RNF180: variants seen among roughly 807,000 people sequenced by gnomAD.
RNF180 encodes the protein E3 ubiquitin-protein ligase RNF180.
RNF180 carries 38 observed loss-of-function variants against 59.2 expected under a neutral mutation model. The observed-to-expected ratio is 0.64, with a 90% CI of 0.50 to 0.84. The LOEUF (loss-of-function observed/expected upper bound fraction) is 0.84, where lower values mean the gene tolerates loss of function less well. Among genes scored for constraint, RNF180 ranks in the 40% least tolerant of loss-of-function variants. RNF180 has a pLI of 0.00. For missense variants in RNF180, 705 were observed against 700.9 expected (o/e 1.01, Z -0.07); for synonymous variants, 262 against 240.3 (o/e 1.09, Z -0.84).
At chr5:64,267,889 CAGGT>C (rs1249762542) in intron 5 of RNF180, among the ~76,000 whole-genome samples, 1 of 152,060 alleles carries the variant, frequency 6.6e-6, no homozygotes, top group Non-Finnish European at 1.5e-5. Context: ...GACAGTGTCA[CAGGT>C]AGTGCTGATA....
At chr5:64,334,601 A>G (rs1300260620) in intron 7 of RNF180, among the ~76,000 whole-genome samples, 3 of 152,158 alleles carry the variant, frequency 2.0e-5, no homozygotes, top group Non-Finnish European at 4.4e-5. Context: ...ATTTCTTTGT[A>G]TAAGTATACA....
chr5:64,242,024 T>C (rs1742838344), intron 5 of RNF180, among the ~76,000 whole-genome samples: 1 of 152,176 alleles, frequency 6.6e-6, no homozygotes, highest in Non-Finnish European at 1.5e-5. Flanking sequence ...CCTCCTGCAC[T>C]GGACTGATTC....
intron 7 of RNF180, among the ~76,000 whole-genome samples, chr5:64,359,231 A>G (rs201098668): frequency 6.7e-6 from 1 of 149,658 alleles, no homozygotes; most frequent in Non-Finnish European, 1.5e-5. Flanking sequence ...CAATGGTTGA[A>G]CTAGTTTACA....
At chr5:64,213,505 T>C in intron 3 of RNF180, 53 bp from the exon 4 acceptor site, 1 of 1,512,312 alleles carries the variant, frequency 6.6e-7, no homozygotes, top group Non-Finnish European at 8.9e-7. Flanking sequence ...AAAATTTCTC[T>C]TCAGTTACTT....
chr5:64,222,211 G>C lies in RNF180; in HGVS notation c.1227+4815G>C, dbSNP rs143139978. On this transcript the variant is annotated intron_variant, in intron 5 of 7. Transcript: ENST00000389100. ...AGACTGGGCTTATCGGTTGTGTCATGGGTTCCCAAAACTACTGTATTTGAT... is the reference window on the plus strand; with the variant it reads ...AGACTGGGCTTATCGGTTGTGTCATCGGTTCCCAAAACTACTGTATTTGAT... Among the ~76,000 whole-genome samples, 1,390 of 152,084 alleles carry C rather than the reference G, an allele frequency of 9.1e-3. 15 individuals are homozygous for C. Among genetic ancestry groups the C allele is most frequent in the Middle Eastern group, 0.031 (9 of 294 alleles).
intron 1 of RNF180, among the ~76,000 whole-genome samples, chr5:64,196,472 TGA>T (rs1160961780): frequency 6.6e-6 from 1 of 152,154 alleles, no homozygotes; most frequent in African/African-American, 2.4e-5. Flanking sequence ...TGAATTTCAC[TGA>T]GAGTTATATT....
At chr5:64,276,069 A>G (rs190951128) in intron 5 of RNF180, among the ~76,000 whole-genome samples, 33 of 152,192 alleles carry the variant, frequency 2.2e-4, no homozygotes, top group Non-Finnish European at 4.1e-4. Flanking sequence ...CCCCAACCCC[A>G]TAGAATCTTT....
At chr5:64,353,710 G>A (rs796466890) in intron 7 of RNF180, among the ~76,000 whole-genome samples, 1 of 151,694 alleles carries the variant, frequency 6.6e-6, no homozygotes, top group African/African-American at 2.4e-5. Context: ...AAGTTAAAAA[G>A]ACATCGTAGT....
intron 2 of RNF180, among the ~76,000 whole-genome samples, chr5:64,202,331 T>C (rs1415235850): frequency 6.6e-6 from 1 of 152,210 alleles, no homozygotes; most frequent in Non-Finnish European, 1.5e-5. Flanking sequence ...CAGTAGTGTG[T>C]TCCTTTTTTC....
At position 64,370,228 on chromosome 5, in the gene RNF180, C is replaced by T. The variant is rs1287805780; in HGVS notation, c.*414C>T. The T allele has an allele frequency of 1.3e-5, 2 of 153,090 alleles. No homozygotes were observed. The highest frequency in any genetic ancestry group is 4.8e-5 in the African/African-American group (2 of 41,394). The allele number at this position is 153,090 out of a possible 1,614,324, so 9.5% of individuals were successfully genotyped here. ...TATTTAGTCAATCACCACTTATTCT[C>T]AGGCAAATTATATGTATTAAAGATA... On this transcript the variant is annotated 3_prime_UTR_variant, in exon 8 of 8. Transcript: ENST00000389100.
intron 7 of RNF180, among the ~76,000 whole-genome samples, chr5:64,363,695 G>A (rs961998992): frequency 6.6e-6 from 1 of 151,734 alleles, no homozygotes; most frequent in South Asian, 2.1e-4. Flanking sequence ...CAATTTTAAT[G>A]ATATTGATTA....
At chr5:64,342,510 A>T (rs775059004) in intron 7 of RNF180, among the ~76,000 whole-genome samples, 12 of 152,110 alleles carry the variant, frequency 7.9e-5, no homozygotes, top group Non-Finnish European at 1.3e-4. Context: ...AAAAAGGCTT[A>T]AAAAGTTGGC....
chr5:64,276,989 A>G (rs543941910), intron 5 of RNF180, among the ~76,000 whole-genome samples: 1 of 152,098 alleles, frequency 6.6e-6, no homozygotes, highest in South Asian at 2.1e-4. Context: ...TAAAGAATTA[A>G]TTCATAGGTC....
chr5:64,259,988 C>G (rs1744230170), intron 5 of RNF180, among the ~76,000 whole-genome samples: 1 of 151,976 alleles, frequency 6.6e-6, no homozygotes, highest in Non-Finnish European at 1.5e-5. Context: ...TTTGACTATC[C>G]TAATCATCCT....
intron 5 of RNF180, among the ~76,000 whole-genome samples, chr5:64,255,516 T>A (rs1020572580): frequency 6.6e-6 from 1 of 152,098 alleles, no homozygotes; most frequent in Non-Finnish European, 1.5e-5. Flanking sequence ...ATGTCCCTAC[T>A]AAGGACATGA....
chr5:64,335,134 A>G (rs1340310932), intron 7 of RNF180, among the ~76,000 whole-genome samples: 1 of 152,130 alleles, frequency 6.6e-6, no homozygotes, highest in East Asian at 1.9e-4. Context: ...ATATCTTTAT[A>G]TGTGTATTGA....
chr5:64,240,921 C>T (rs1353469402), intron 5 of RNF180, among the ~76,000 whole-genome samples: 1 of 152,152 alleles, frequency 6.6e-6, no homozygotes, highest in East Asian at 1.9e-4. Context: ...CTTATTGCCA[C>T]CTAATACATA....
chr5:64,300,783 T>C (rs748224485), intron 5 of RNF180, among the ~76,000 whole-genome samples: 2 of 151,810 alleles, frequency 1.3e-5, no homozygotes, highest in Non-Finnish European at 2.9e-5. Context: ...AGAGGCACTA[T>C]GTTGAGGATC....
Position 64,212,096 on chromosome 5 carries a change from T to C in RNF180, c.167T>C (p.Ile56Thr), listed in dbSNP as rs1346353796. ...GATGATTCAGTTGATGCTCAAAATATTTGTCATGTGTGGCACATGAATGTA... is the reference window on the plus strand; with the variant it reads ...GATGATTCAGTTGATGCTCAAAATACTTGTCATGTGTGGCACATGAATGTA... ...DKDDSVDAQNICHVWHMNVEA... is the reference protein window; with the variant it reads ...DKDDSVDAQNTCHVWHMNVEA... The change falls in exon 3 of 8, where the codon ATT becomes ACT. Residue 56 changes from isoleucine (I) to threonine (T), a missense_variant. By Grantham distance (89) the Ile-to-Thr change is moderately conservative. Coordinates refer to ENST00000389100, the MANE Select transcript of RNF180 (RefSeq NM_001113561.2). 6.2e-7 allele frequency: 1 copy of C among 1,605,228 alleles called. No individual in the cohort carries two copies. Among genetic ancestry groups the C allele is most frequent in the Admixed American group, 1.7e-5 (1 of 59,908 alleles).
Sources: allele counts gnomAD v4.1 joint callset (sites outside exome capture counted in the v4.1 genomes callset), GRCh38; gene constraint gnomAD v4.1.1; transcripts MANE v1.5; gene names NCBI Gene and HGNC (gene_info 2026-07-23, HGNC 2026-07-21).